ZNF385B: variants seen among roughly 807,000 people sequenced by gnomAD.
ZNF385B encodes the protein zinc finger protein 385B.
In ZNF385B, 23 loss-of-function variants were observed where a neutral mutation model predicts 39.2. The ratio of observed to expected loss-of-function variants is 0.59; its 90% confidence interval spans 0.42 to 0.83. The LOEUF (loss-of-function observed/expected upper bound fraction) is 0.83, where lower values mean the gene tolerates loss of function less well. Ranked by LOEUF, ZNF385B falls within the 40% of genes least tolerant of loss-of-function variation. The pLI, the probability that ZNF385B is intolerant of heterozygous loss-of-function variation, is 0.00. For missense variants in ZNF385B, 552 were observed against 598.9 expected, an observed-to-expected ratio of 0.92 and a Z score of 0.82; for synonymous variants, 205 against 222.6, an observed-to-expected ratio of 0.92 and a Z score of 0.70.
chr2:179,766,998 G>A (rs76118426), intron 3 of ZNF385B, among the ~76,000 whole-genome samples: 1,878 of 152,224 alleles, frequency 0.012, 45 homozygotes, highest in African/African-American at 0.042. Flanking sequence ...TTTTCAAGAG[G>A]AATGTTCATT....
intron 6 of ZNF385B, among the ~76,000 whole-genome samples, chr2:179,471,967 CTT>C (rs1220533671): frequency 6.6e-6 from 1 of 152,172 alleles, no homozygotes; most frequent in Non-Finnish European, 1.5e-5. Flanking sequence ...TACTAATAAT[CTT>C]GTTTCCATTT....
intron 1 of ZNF385B, among the ~76,000 whole-genome samples, chr2:179,777,193 A>C (rs1455158633): frequency 6.6e-6 from 1 of 151,872 alleles, no homozygotes; most frequent in African/African-American, 2.4e-5. Flanking sequence ...CAATAATGAG[A>C]ACAAGGAATG....
rs975837754 is a variant in ZNF385B, at chr2:179,838,936, G to A, written c.-155+22165C>T. Among the ~76,000 whole-genome samples the A allele has an allele frequency of 6.1e-5, 9 of 148,494 alleles. No homozygotes were observed. The East Asian group carries it at 1.8e-3, about 30-fold the overall frequency. On this transcript the variant is annotated intron_variant, in intron 1 of 9. Coordinates refer to ENST00000410066, the MANE Select transcript of ZNF385B (RefSeq NM_152520.6). ...CTGTAAACCAAAAAAAAAGGGGGGG[G>A]GGCATTTTGCTGCTCCTTGCAAAAG...
chr2:179,656,589 A>G (rs1575107727), intron 3 of ZNF385B, among the ~76,000 whole-genome samples: 1 of 152,172 alleles, frequency 6.6e-6, no homozygotes, highest in East Asian at 1.9e-4. Context: ...ACATTAAAAA[A>G]CAATTCAGCA....
At chr2:179,819,876 T>G (rs1159906829) in intron 1 of ZNF385B, among the ~76,000 whole-genome samples, 1 of 152,192 alleles carries the variant, frequency 6.6e-6, no homozygotes, top group African/African-American at 2.4e-5. Context: ...TGTATTATAC[T>G]TTTTTCATAT....
chr2:179,539,263 T>G (rs1436623754), intron 4 of ZNF385B, among the ~76,000 whole-genome samples: 1 of 152,148 alleles, frequency 6.6e-6, no homozygotes, highest in African/African-American at 2.4e-5. Flanking sequence ...GGGAAAGCTC[T>G]CTATGCTCTT....
intron 3 of ZNF385B, among the ~76,000 whole-genome samples, chr2:179,684,122 C>G (rs1028623133): frequency 3.3e-5 from 5 of 152,060 alleles, no homozygotes; most frequent in African/African-American, 1.2e-4. Flanking sequence ...TTTTAGAAAC[C>G]TCCCATTTAA....
At chr2:179,663,378 T>C (rs1421830703) in intron 3 of ZNF385B, among the ~76,000 whole-genome samples, 2 of 152,178 alleles carry the variant, frequency 1.3e-5, no homozygotes, top group African/African-American at 2.4e-5. Flanking sequence ...TCAGTTTTAG[T>C]TGCTGTCTTT....
chr2:179,648,424 A>G (rs1692927475), intron 3 of ZNF385B, among the ~76,000 whole-genome samples: 2 of 152,174 alleles, frequency 1.3e-5, no homozygotes, highest in Non-Finnish European at 2.9e-5. Flanking sequence ...GTATCAGTGT[A>G]AAGTCATGGT....
chr2:179,800,651 A>G (rs1315591283), intron 1 of ZNF385B, among the ~76,000 whole-genome samples: 1 of 152,132 alleles, frequency 6.6e-6, no homozygotes, highest in East Asian at 1.9e-4. Flanking sequence ...CAATCTAGTT[A>G]TGAACACTCA....
intron 1 of ZNF385B, among the ~76,000 whole-genome samples, chr2:179,804,188 G>A (rs1421036745): frequency 6.6e-6 from 1 of 152,154 alleles, no homozygotes; most frequent in Admixed American, 6.5e-5. Flanking sequence ...TTGCTGGGCT[G>A]AGCTTTCTCA....
At chr2:179,530,488 T>C (rs1220012838) in intron 4 of ZNF385B, among the ~76,000 whole-genome samples, 1 of 152,184 alleles carries the variant, frequency 6.6e-6, no homozygotes, top group Non-Finnish European at 1.5e-5. Context: ...GATCTAAAAA[T>C]CAATACATCT....
At chr2:179,488,215 C>A (rs1239908433) in intron 5 of ZNF385B, among the ~76,000 whole-genome samples, 1 of 151,992 alleles carries the variant, frequency 6.6e-6, no homozygotes, top group Non-Finnish European at 1.5e-5. Context: ...GCAATCTCAG[C>A]CTTACTGCAA....
At chr2:179,610,779 T>TCCTA (rs2106131626) in intron 3 of ZNF385B, among the ~76,000 whole-genome samples, 1 of 152,242 alleles carries the variant, frequency 6.6e-6, no homozygotes, top group Admixed American at 6.5e-5. Context: ...CTTGGTTAAT[T>TCCTA]CCTAGGTATT....
chr2:179,555,828 C>A (rs115367907), intron 3 of ZNF385B, among the ~76,000 whole-genome samples: 2,922 of 149,090 alleles, frequency 0.02, 367 homozygotes, highest in African/African-American at 0.07. Context: ...TTGGCAGTTA[C>A]GTGCCTGAAT....
At chr2:179,579,092 G>A (rs2106025815) in intron 3 of ZNF385B, among the ~76,000 whole-genome samples, 1 of 152,178 alleles carries the variant, frequency 6.6e-6, no homozygotes, top group Non-Finnish European at 1.5e-5. Context: ...AGTCATTATG[G>A]TTGACATAAG....
intron 3 of ZNF385B, among the ~76,000 whole-genome samples, chr2:179,681,428 A>G (rs1313066586): frequency 6.6e-6 from 1 of 152,184 alleles, no homozygotes; most frequent in African/African-American, 2.4e-5. Flanking sequence ...GCAAGAAAGA[A>G]TTGTTAATTT....
At chr2:179,760,223 C>CGTGCGTGCGTGCGT (rs1553525684) in intron 3 of ZNF385B, among the ~76,000 whole-genome samples, 1 of 144,476 alleles carries the variant, frequency 6.9e-6, no homozygotes, top group African/African-American at 2.6e-5. Context: ...TTCCTGTGTG[C>CGTGCGTGCGTGCGT]GTGTGTGTGT....
intron 1 of ZNF385B, among the ~76,000 whole-genome samples, chr2:179,849,335 A>C (rs142004395): frequency 4.7e-4 from 72 of 152,348 alleles, no homozygotes; most frequent in African/African-American, 1.7e-3. Flanking sequence ...TGAATGAATA[A>C]ATGAGGTGGT....
Sources: allele counts gnomAD v4.1 joint callset (sites outside exome capture counted in the v4.1 genomes callset), GRCh38; gene constraint gnomAD v4.1.1; transcripts MANE v1.5; gene names NCBI Gene and HGNC (gene_info 2026-07-23, HGNC 2026-07-21).